BRI3BP: variants seen among roughly 807,000 people sequenced by gnomAD.
BRI3BP encodes the protein BRI3-binding protein.
In BRI3BP, 7 loss-of-function variants were observed where a neutral mutation model predicts 15.8. The ratio of observed to expected loss-of-function variants is 0.44; its 90% CI spans 0.25 to 0.83. The LOEUF is 0.83. Ranked by LOEUF, BRI3BP falls within the 40% of genes least tolerant of loss-of-function variation. The pLI is 0.20. For missense variants in BRI3BP, 320 were observed against 339.3 expected, an observed-to-expected ratio of 0.94 and a Z score of 0.45; for synonymous variants, 192 against 163.5, an observed-to-expected ratio of 1.17 and a Z score of -1.33.
chr12:125,031,667 C>A (rs1036778001), downstream of BRI3BP, among the ~76,000 whole-genome samples: 1 of 141,994 alleles, frequency 7.0e-6, no homozygotes, highest in Middle Eastern at 3.5e-3. Flanking sequence ...GCCTCCATCT[C>A]CTGGGCTCAA....
downstream of BRI3BP, among the ~76,000 whole-genome samples, chr12:125,032,639 C>T (rs1284872888): frequency 6.6e-6 from 1 of 151,160 alleles, no homozygotes; most frequent in Non-Finnish European, 1.5e-5. Flanking sequence ...GCAGTGGCGC[C>T]TGCCTGTGCC....
At chr12:124,997,506 G>C (rs376360097) in intron 1 of BRI3BP, among the ~76,000 whole-genome samples, 1 of 151,558 alleles carries the variant, frequency 6.6e-6, no homozygotes, top group Non-Finnish European at 1.5e-5. Flanking sequence ...GTGAACCACC[G>C]TGCACCACCC....
chr12:125,049,386 C>T, the BRI3BP span, among the ~76,000 whole-genome samples: 1 of 152,170 alleles, frequency 6.6e-6, no homozygotes, highest in African/African-American at 2.4e-5. Flanking sequence ...CCCCAGCGCA[C>T]TCATCCTAGG....
In BRI3BP at chr12:125,024,067, C is replaced by A. The variant is rs372407605; in HGVS notation, c.317-924C>A. Among the ~76,000 whole-genome samples, 24 of 152,194 alleles carry A rather than the reference C, an allele frequency of 1.6e-4. No homozygotes were observed. The South Asian group carries it at 4.4e-3, about 28-fold the overall frequency. ...ACCTCAAAAACACAAACAAAAAAAC[C>A]AAAAAACCTGAGACTAGGTAATGCA... On this transcript the variant is annotated intron_variant, in intron 2 of 2. Transcript: ENST00000341446.
Position 125,025,045 on chromosome 12 carries a change from G to A in BRI3BP, c.371G>A (p.Arg124His), listed in dbSNP as rs145491987. The change falls in exon 3 of 3, where the codon CGC (arginine) becomes CAC (histidine). Residue 124 changes from arginine to histidine, a missense_variant. Arg to His is a conservative substitution (Grantham distance 29). Transcript: ENST00000341446. ...GCCTCGGTGTCCAGCAGCCCGGCCC[G>A]CGCGCTCCTGCTGGTCGGCGTCGTC... Reference protein sequence around the residue: ...SPASVSSSPARALLLVGVVLL... With the variant: ...SPASVSSSPAHALLLVGVVLL... 3.5e-5 allele frequency: 56 copies of A among 1,613,134 alleles called. No individual in the cohort carries two copies. Among genetic ancestry groups the A allele is most frequent in the East Asian group, 4.5e-5 (2 of 44,896 alleles).
Position 125,025,359 on chromosome 12 carries a change from A to C in BRI3BP, c.685A>C (p.Lys229Gln). 1 of 1,612,840 alleles carries C rather than the reference A, an allele frequency of 6.2e-7. No individual in the cohort carries two copies. The highest frequency in any genetic ancestry group is 8.5e-7 in the Non-Finnish European group (1 of 1,179,656). Residue 229 changes from lysine to glutamine, a missense_variant, in exon 3 of 3, where the codon AAG becomes CAG. By Grantham distance (53) the Lys-to-Gln change is moderately conservative. Transcript: ENST00000341446. ...GGAGGAGAAGCTGGAGCACCTGGAGAAGCAGGTCAGACTGCTCAACATCCG... is the reference window on the plus strand; with the variant it reads ...GGAGGAGAAGCTGGAGCACCTGGAGCAGCAGGTCAGACTGCTCAACATCCG... The part of the protein sequence containing the change: ...SVEEKLEHLE[K>Q]QVRLLNIRLN...
In BRI3BP at chr12:125,025,748, A is replaced by G. The variant is rs2136001285; in HGVS notation, c.*318A>G. 1 of 247,546 alleles carries G rather than the reference A, an allele frequency of 4.0e-6. No individual in the cohort carries two copies. 15.3% of individuals were successfully genotyped at this position (247,546 alleles called of 1,614,324 possible). On this transcript the variant is annotated 3_prime_UTR_variant, in exon 3 of 3. Transcript: ENST00000341446. ...ATAGAGCATAAAGTTAATTTTTTCA[A>G]GCATTTAAATACATCTTTTGTAAGG...
chr12:125,036,838 C>A, the BRI3BP span, among the ~76,000 whole-genome samples: 1 of 152,140 alleles, frequency 6.6e-6, no homozygotes, highest in East Asian at 1.9e-4. Flanking sequence ...AGACCAGATA[C>A]CCCTCGACTC....
At chr12:125,032,468 A>G (rs1373986963), downstream of BRI3BP, among the ~76,000 whole-genome samples, 2 of 148,094 alleles carry the variant, frequency 1.4e-5, no homozygotes, top group African/African-American at 2.5e-5. Flanking sequence ...AAAAACAAAC[A>G]AAAAAAATTA....
intron 2 of BRI3BP, among the ~76,000 whole-genome samples, chr12:125,024,418 C>T (rs1442346743): frequency 6.6e-6 from 1 of 152,138 alleles, no homozygotes; most frequent in Non-Finnish European, 1.5e-5. Flanking sequence ...CACTATGTTG[C>T]CCAGGCTAAA....
At position 124,993,971 on chromosome 12, in the gene BRI3BP, T is replaced by C; in HGVS notation, c.181T>C (p.Phe61Leu). The change falls in exon 1 of 3, where the codon TTC becomes CTC. Residue 61 changes from phenylalanine (F) to leucine (L), a missense_variant. Phe to Leu is a conservative substitution (Grantham distance 22). Coordinates refer to ENST00000341446, the MANE Select transcript of BRI3BP (RefSeq NM_080626.6). ...NTFSQSVSSL[F>L]GEDNVRAAQK... Reference sequence around the variant, plus strand: ...CTTCTCCCAGAGCGTCAGCAGCCTGTTCGGCGAGGACAACGTGCGCGCCGC... The same window carrying C: ...CTTCTCCCAGAGCGTCAGCAGCCTGCTCGGCGAGGACAACGTGCGCGCCGC... 7.3e-7 allele frequency: 1 copy of C among 1,361,750 alleles called. No individual in the cohort carries two copies. Among genetic ancestry groups the C allele is most frequent in the Non-Finnish European group, 9.6e-7 (1 of 1,041,984 alleles). The allele number at this position is 1,361,750 out of a possible 1,614,324, so 84.4% of individuals were successfully genotyped here.
At chr12:125,041,547 T>C in the BRI3BP span, among the ~76,000 whole-genome samples, 1 of 152,082 alleles carries the variant, frequency 6.6e-6, no homozygotes, top group Non-Finnish European at 1.5e-5. Context: ...ATTCACCACA[T>C]AGTACACAAT....
intron 2 of BRI3BP, among the ~76,000 whole-genome samples, chr12:125,021,267 C>T (rs144585681): frequency 1.5e-3 from 224 of 152,282 alleles, no homozygotes; most frequent in Non-Finnish European, 1.8e-3. Context: ...GCCAGCTGTG[C>T]GGAGTCTGAT....
At chr12:125,017,069 A>G (rs1376693890) in intron 2 of BRI3BP, among the ~76,000 whole-genome samples, 1 of 150,590 alleles carries the variant, frequency 6.6e-6, no homozygotes, top group African/African-American at 2.4e-5. Context: ...CCAGGCTAGA[A>G]TGCAGTGGCC....
the BRI3BP span, among the ~76,000 whole-genome samples, chr12:125,037,811 CAA>C: frequency 4.1e-4 from 33 of 80,130 alleles, no homozygotes; most frequent in Non-Finnish European, 4.9e-4. Context: ...GACTCTGTCT[CAA>C]AAAAAAAAAA....
chr12:125,007,207 C>T (rs950137963), intron 1 of BRI3BP, among the ~76,000 whole-genome samples: 2 of 151,810 alleles, frequency 1.3e-5, no homozygotes, highest in South Asian at 4.2e-4. Context: ...TCCGCCCCCC[C>T]CAAATAAATT....
At chr12:125,031,574 A>ATTTTTTTTTT (rs367625363), downstream of BRI3BP, among the ~76,000 whole-genome samples, 6 of 84,242 alleles carry the variant, frequency 7.1e-5, no homozygotes, top group African/African-American at 1.0e-4. Flanking sequence ...TTTTCTTTCT[A>ATTTTTTTTTT]TTTTTTTTTT....
rs1955278838 is a variant in BRI3BP at position 125,019,660 on chromosome 12, C to CTTTTTTTT, written c.317-5325_317-5324insTTTTTTTT. On this transcript the variant is annotated intron_variant, in intron 2 of 2. Coordinates refer to ENST00000341446, the MANE Select transcript of BRI3BP (RefSeq NM_080626.6). ...CTTTTTTTTTTTTTTTTTTTTTTGC[C>CTTTTTTTT]TTTTTTGCTGTGAGTACTTGAAAAT... is the stretch of plus-strand genomic sequence containing the variant. 2.4e-3 allele frequency among the ~76,000 whole-genome samples: 60 copies of CTTTTTTTT among 24,712 alleles called. 2 individuals are homozygous for CTTTTTTTT. Among genetic ancestry groups the CTTTTTTTT allele is most frequent in the African/African-American group, 5.8e-3 (45 of 7,720 alleles). 16.2% of individuals were successfully genotyped at this position (24,712 alleles called of 152,430 possible).
chr12:125,043,266 T>C, the BRI3BP span, among the ~76,000 whole-genome samples: 1 of 152,252 alleles, frequency 6.6e-6, no homozygotes, highest in East Asian at 1.9e-4. Context: ...TGTGTTCTCC[T>C]GAGGCTAAGC....
Sources: allele counts gnomAD v4.1 joint callset (sites outside exome capture counted in the v4.1 genomes callset), GRCh38; gene constraint gnomAD v4.1.1; transcripts MANE v1.5; gene names NCBI Gene and HGNC (gene_info 2026-07-23, HGNC 2026-07-21).